The following ARID1B variants were observed in gnomAD, a reference collection of about 807,000 sequenced individuals.
ARID1B encodes the protein AT-rich interaction domain 1B.
Under a neutral mutation model 212.3 loss-of-function variants are expected in ARID1B, and 30 were observed. The observed-to-expected ratio is 0.14, with a 90% CI of 0.11 to 0.19. The LOEUF is 0.19. Among genes scored for constraint, ARID1B ranks in the 10% least tolerant of loss-of-function variants. The probability of loss-of-function intolerance (pLI) is 1.00; values close to 1 mark genes in which losing one functional copy is unlikely to be tolerated. For synonymous variants in ARID1B, 1,402 were observed against 1,301.7 expected (o/e 1.08, Z -1.66); for missense variants, 2,891 against 3,204.0 (o/e 0.90, Z 2.36).
At chr6:157,076,951 A>C (rs1784350177) in intron 4 of ARID1B, among the ~76,000 whole-genome samples, 1 of 152,210 alleles carries the variant, frequency 6.6e-6, no homozygotes, top group African/African-American at 2.4e-5. Flanking sequence ...TATAGAATTA[A>C]GAGACTATAA....
intron 4 of ARID1B, among the ~76,000 whole-genome samples, chr6:157,028,137 A>G (rs80062007): frequency 6.6e-6 from 1 of 152,170 alleles, no homozygotes; most frequent in Non-Finnish European, 1.5e-5. Context: ...ATTATGACCA[A>G]ATTATATCAC....
At chr6:156,921,438 AACAC>A (rs10560265) in intron 3 of ARID1B, among the ~76,000 whole-genome samples, 7,875 of 135,642 alleles carry the variant, frequency 0.058, 231 homozygotes, top group Non-Finnish European at 0.063. Context: ...TTGATGGGAA[AACAC>A]ACACACACAC....
intron 1 of ARID1B, among the ~76,000 whole-genome samples, chr6:156,793,383 GT>G: frequency 6.6e-6 from 1 of 152,132 alleles, no homozygotes; most frequent in Non-Finnish European, 1.5e-5. Context: ...GTCTTACTCT[GT>G]TGCCCAGGCT....
In ARID1B at chr6:157,207,688, C is replaced by G; in HGVS notation, c.6916C>G (p.Gln2306Glu). Residue 2306 changes from glutamine to glutamate, a missense_variant, in exon 20 of 20, where the codon CAG (glutamine) becomes GAG (glutamate). By Grantham distance (29) the Gln-to-Glu change is conservative. This residue lies in a region of ARID1B where 187 missense variants were observed against 306.5 expected (regional missense o/e 0.61). Transcript: ENST00000636930. The surrounding 1 kb of genome is among the most constrained non-coding windows in gnomAD (Gnocchi z 8.5). ...QQSQHNLMHM[Q>E]PPPLEPPSVD... The stretch of plus-strand genomic sequence containing the variant: ...GAGCCAGCACAACCTCATGCACATG[C>G]AGCCCCCGCCCCTGGAACCACCTAG... The G allele has an allele frequency of 6.8e-6, 11 of 1,608,998 alleles. No homozygotes were observed. The highest frequency in any genetic ancestry group is 8.5e-6 in the Non-Finnish European group (10 of 1,175,706).
At chr6:157,162,109 A>C (rs1252295417) in intron 8 of ARID1B, among the ~76,000 whole-genome samples, 1 of 152,200 alleles carries the variant, frequency 6.6e-6, no homozygotes, top group Admixed American at 6.5e-5. Context: ...CATTCATTTT[A>C]AAGATAACCA....
At chr6:156,978,608 A>G (rs1486523397) in intron 4 of ARID1B, among the ~76,000 whole-genome samples, 1 of 152,230 alleles carries the variant, frequency 6.6e-6, no homozygotes, top group Non-Finnish European at 1.5e-5. Flanking sequence ...CTTGTGTGAT[A>G]TAAATTATTA....
intron 4 of ARID1B, among the ~76,000 whole-genome samples, chr6:157,081,482 C>T (rs953106469): frequency 5.9e-5 from 9 of 152,140 alleles, no homozygotes; most frequent in East Asian, 1.9e-4. Flanking sequence ...ATAAAAGTCG[C>T]GTGAGTGTGT....
chr6:156,782,753 T>A (rs1180987656), intron 1 of ARID1B, among the ~76,000 whole-genome samples: 1 of 152,176 alleles, frequency 6.6e-6, no homozygotes, highest in East Asian at 1.9e-4. Flanking sequence ...CCTAAATTTA[T>A]ATATTTGCCA....
chr6:156,860,254 A>G (rs545908462), intron 2 of ARID1B, among the ~76,000 whole-genome samples: 3 of 152,278 alleles, frequency 2.0e-5, no homozygotes, highest in Middle Eastern at 6.8e-3. Context: ...GTGCTTTACA[A>G]TTTTATTTGA....
intron 2 of ARID1B, among the ~76,000 whole-genome samples, chr6:156,850,321 G>T (rs1254661525): frequency 6.6e-6 from 1 of 152,092 alleles, no homozygotes; most frequent in Non-Finnish European, 1.5e-5. Flanking sequence ...CATTTTGGGT[G>T]ATTTTGGACG....
chr6:156,895,879 A>G (rs1788346747), intron 2 of ARID1B, among the ~76,000 whole-genome samples: 1 of 152,204 alleles, frequency 6.6e-6, no homozygotes, highest in Non-Finnish European at 1.5e-5. Flanking sequence ...ATTCTTTTCA[A>G]TGCACGTTTC....
intron 2 of ARID1B, among the ~76,000 whole-genome samples, chr6:156,838,168 A>G (rs1219958192): frequency 1.3e-5 from 2 of 152,156 alleles, no homozygotes; most frequent in African/African-American, 4.8e-5. Flanking sequence ...AAGCAAACCA[A>G]CCAGTAGAAT....
chr6:156,809,486 A>G (rs1781411325), intron 1 of ARID1B, among the ~76,000 whole-genome samples: 1 of 152,114 alleles, frequency 6.6e-6, no homozygotes, highest in Admixed American at 6.5e-5. Context: ...TTTCCATATG[A>G]TATCTGATTT....
At chr6:157,037,993 C>T (rs1781443025) in intron 4 of ARID1B, among the ~76,000 whole-genome samples, 1 of 152,172 alleles carries the variant, frequency 6.6e-6, no homozygotes, top group Non-Finnish European at 1.5e-5. Context: ...TCTTCCAGAC[C>T]TGAATTGTCG....
intron 7 of ARID1B, 50 bp downstream of exon 7, chr6:157,133,257 T>G: frequency 6.6e-7 from 1 of 1,517,034 alleles, no homozygotes; most frequent in Non-Finnish European, 8.8e-7. Flanking sequence ...GTAGAAATTT[T>G]CTTAATGTGC....
intron 4 of ARID1B, chr6:156,937,728 T>C (rs1174823756): frequency 6.6e-6 from 1 of 152,220 alleles, no homozygotes; most frequent in African/African-American, 2.4e-5. Context: ...TGAACGAATA[T>C]AGTCATCAAC....
At chr6:156,900,288 C>G (rs1788811744) in intron 2 of ARID1B, among the ~76,000 whole-genome samples, 1 of 152,088 alleles carries the variant, frequency 6.6e-6, no homozygotes, top group Admixed American at 6.5e-5. Context: ...TCATTTTTTC[C>G]CCTTTTACCC....
intron 4 of ARID1B, among the ~76,000 whole-genome samples, chr6:156,960,325 T>A (rs1794287151): frequency 6.6e-6 from 1 of 152,184 alleles, no homozygotes; most frequent in African/African-American, 2.4e-5. Flanking sequence ...AGCATCTGTT[T>A]GTATGATGGA....
At chr6:157,199,041 A>G in intron 17 of ARID1B, 134 bp downstream of exon 17, 1 of 721,858 alleles carries the variant, frequency 1.4e-6, no homozygotes, top group South Asian at 2.5e-5. Context: ...CATTCAGGAT[A>G]TAGTTAATGC....
Sources: gnomAD v4.1 joint callset for allele counts (sites outside exome capture counted in the v4.1 genomes callset) on GRCh38, gnomAD v4.1.1 for gene constraint, gnomAD v4.1.1 regional missense constraint, Gnocchi (gnomAD v3.1) non-coding constraint, MANE v1.5 for transcripts, NCBI Gene and HGNC (gene_info 2026-07-23, HGNC 2026-07-21) for gene names.